RILPL1: variants seen among roughly 807,000 people sequenced by gnomAD.
RILPL1 encodes RILP-like protein 1.
RILPL1 carries 33 observed loss-of-function variants against 50.3 expected under a neutral mutation model. The observed-to-expected ratio is 0.66, with a 90% CI of 0.50 to 0.88. The LOEUF (loss-of-function observed/expected upper bound fraction) is 0.88. RILPL1 is among the 40% of genes least tolerant of loss of function. RILPL1 has a pLI of 0.00. For synonymous variants in RILPL1, 205 were observed against 228.6 expected (o/e 0.90, Z 0.93); for missense variants, 418 against 542.5 (o/e 0.77, Z 2.28).
chr12:123,518,342 CA>C (rs1174721740), intron 2 of RILPL1: 16 of 424,742 alleles, frequency 3.8e-5, no homozygotes, highest in Admixed American at 1.6e-4. Context: ...CCGTCTCTAC[CA>C]AAAAAATTTA....
chr12:123,527,252 G>A (rs538424185), intron 1 of RILPL1, among the ~76,000 whole-genome samples: 6 of 152,142 alleles, frequency 3.9e-5, no homozygotes, highest in East Asian at 1.9e-4. Flanking sequence ...GATCACTTGA[G>A]CCCCGGAGGT....
chr12:123,520,653 C>A (rs1884969048), intron 2 of RILPL1, among the ~76,000 whole-genome samples: 1 of 152,186 alleles, frequency 6.6e-6, no homozygotes, highest in South Asian at 2.1e-4. Flanking sequence ...CAGGCCCAGG[C>A]TTACTTTGCT....
rs1885507725 is a variant in RILPL1 at position 123,533,275 on chromosome 12, G to A, written c.208C>T (p.Arg70Cys). Reference protein sequence around the residue: ...VLEILEVLVSRHHVAPELDEL... With the variant: ...VLEILEVLVSCHHVAPELDEL... ...TCCAGCTCGGGCGCGACGTGGTGGC[G>A]GCTGACCAGCACCTCCAGGATCTCC... The change falls in exon 1 of 7, where the codon CGC (arginine) becomes TGC (cysteine). Residue 70 changes from arginine (R) to cysteine (C), a missense_variant. Physicochemically the swap from Arg to Cys is radical, Grantham distance 180. Coordinates refer to ENST00000376874, the MANE Select transcript of RILPL1 (RefSeq NM_178314.5). The surrounding 1 kb of genome is among the most constrained non-coding windows in gnomAD (Gnocchi z 6.2). The A allele has an allele frequency of 6.3e-7, 1 of 1,587,876 alleles. No individual in the cohort carries two copies. Among genetic ancestry groups the A allele is most frequent in the South Asian group, 1.1e-5 (1 of 87,844 alleles).
At chr12:123,525,336 G>A (rs1293824115) in intron 1 of RILPL1, among the ~76,000 whole-genome samples, 1 of 150,612 alleles carries the variant, frequency 6.6e-6, no homozygotes, top group Non-Finnish European at 1.5e-5. Context: ...TCCCACCTCA[G>A]CCTCCCAGTA....
chr12:123,484,650 CTTT>C (rs61080090), intron 5 of RILPL1, among the ~76,000 whole-genome samples: 13 of 110,116 alleles, frequency 1.2e-4, no homozygotes, highest in African/African-American at 1.5e-4. Context: ...ACTCTCCCAT[CTTT>C]TTTTTTTTTT....
In RILPL1 at chr12:123,498,892, C is replaced by T. The variant is rs538896838; in HGVS notation, c.580-127G>A. On this transcript the variant is annotated intron_variant, in intron 3 of 6. Transcript: ENST00000376874. This position sits in a 1 kb window ranked among gnomAD's most constrained non-coding sequence, Gnocchi z 4.3. ...CAGACATCTTTGTTTGAAAGTTGTT[C>T]GTATTCTTATAGCTGATGATGCTAG... 2.6e-5 allele frequency: 22 copies of T among 849,146 alleles called. No individual in the cohort carries two copies. The highest frequency in any genetic ancestry group is 2.2e-4 in the Admixed American group (10 of 46,062). 52.6% of individuals were successfully genotyped at this position (849,146 alleles called of 1,614,324 possible).
chr12:123,500,121 G>A (rs1443095322), intron 2 of RILPL1, among the ~76,000 whole-genome samples: 9 of 151,696 alleles, frequency 5.9e-5, no homozygotes, highest in East Asian at 3.9e-4. Context: ...TAGTAGAGAC[G>A]GGGTTTCACC....
rs1054919463 is a variant in RILPL1 at position 123,470,679 on chromosome 12, G to A, written c.*1859C>T. The A allele has an allele frequency of 6.6e-6, 1 of 152,242 alleles. No individual in the cohort carries two copies. The highest frequency in any genetic ancestry group is 2.4e-5 in the African/African-American group (1 of 41,442). 9.4% of individuals were successfully genotyped at this position (152,242 alleles called of 1,614,324 possible). ...CACACATGTAGTCCCAGCTACTTGG[G>A]AGGCTCAGGCATGAGAATTGCTTGA... On this transcript the variant is annotated 3_prime_UTR_variant, in exon 7 of 7. Coordinates refer to ENST00000376874, the MANE Select transcript of RILPL1 (RefSeq NM_178314.5).
At chr12:123,509,141 CAACAAACAAACA>C (rs142348336) in intron 2 of RILPL1, among the ~76,000 whole-genome samples, 2 of 151,240 alleles carry the variant, frequency 1.3e-5, no homozygotes, top group South Asian at 2.1e-4. Context: ...CGTCTCAAAA[CAACAAACAAACA>C]AACAAACAAA....
chr12:123,497,337 TC>T (rs1190583411), intron 4 of RILPL1, among the ~76,000 whole-genome samples: 1 of 151,932 alleles, frequency 6.6e-6, no homozygotes, highest in African/African-American at 2.4e-5. Context: ...TCCTGCCTCA[TC>T]TTCCCAAGTA....
At chr12:123,502,160 T>C (rs1018563318) in intron 2 of RILPL1, among the ~76,000 whole-genome samples, 2 of 151,860 alleles carry the variant, frequency 1.3e-5, no homozygotes, top group Admixed American at 6.6e-5. Context: ...TAGTAAACTA[T>C]GTGTATTCAG....
chr12:123,473,759 C>T (rs2139301376), intron 6 of RILPL1: 1 of 151,130 alleles, frequency 6.6e-6, no homozygotes, highest in South Asian at 2.1e-4. Context: ...CCATCAGGAA[C>T]TTTCAGATGC....
rs1242181080 is a variant in RILPL1 at position 123,491,256 on chromosome 12, G to A, written c.802-5451C>T. Reference sequence around the variant, plus strand: ...TCCTAGGCTTACTCCATGCGGGACCGGGAGGTGGCTCGGGTTAGCTGAGAT... The same window carrying A: ...TCCTAGGCTTACTCCATGCGGGACCAGGAGGTGGCTCGGGTTAGCTGAGAT... On this transcript the variant is annotated intron_variant, in intron 4 of 6. Coordinates refer to ENST00000376874, the MANE Select transcript of RILPL1 (RefSeq NM_178314.5). The surrounding 1 kb of genome is among the most constrained non-coding windows in gnomAD (Gnocchi z 4.0). Among the ~76,000 whole-genome samples the A allele has an allele frequency of 5.3e-5, 8 of 152,176 alleles. No individual in the cohort carries two copies. Among genetic ancestry groups the A allele is most frequent in the Non-Finnish European group, 5.9e-5 (4 of 68,026 alleles).
intron 4 of RILPL1, among the ~76,000 whole-genome samples, chr12:123,486,892 G>A (rs1026053698): frequency 9.9e-5 from 15 of 151,874 alleles, no homozygotes; most frequent in Admixed American, 3.9e-4. Flanking sequence ...TCCACCACCC[G>A]GGTTCAAGCC....
chr12:123,487,272 G>A (rs1882404040), intron 4 of RILPL1, among the ~76,000 whole-genome samples: 2 of 151,812 alleles, frequency 1.3e-5, no homozygotes, highest in South Asian at 4.2e-4. Context: ...GTGTTTCCAA[G>A]GTTCATCCAC....
At chr12:123,525,518 G>A (rs1885218640) in intron 1 of RILPL1, among the ~76,000 whole-genome samples, 1 of 150,714 alleles carries the variant, frequency 6.6e-6, no homozygotes, top group Non-Finnish European at 1.5e-5. Flanking sequence ...TGACCAATAT[G>A]GTGAAACCCT....
At chr12:123,508,172 T>C (rs574429410) in intron 2 of RILPL1, among the ~76,000 whole-genome samples, 1 of 152,198 alleles carries the variant, frequency 6.6e-6, no homozygotes, top group African/African-American at 2.4e-5. Context: ...GGCAGAAGGA[T>C]CACTGGAACT....
intron 2 of RILPL1, chr12:123,518,415 G>C (rs28791561): frequency 0.035 from 12,980 of 367,776 alleles, 1,274 homozygotes; most frequent in African/African-American, 0.23. Context: ...ACTGAGGTGG[G>C]AGAATCTTTT....
rs1382420119 is a variant in RILPL1 at position 123,491,834 on chromosome 12, GTC to G, written c.802-6031_802-6030del. On this transcript the variant is annotated intron_variant, in intron 4 of 6. Transcript: ENST00000376874. The surrounding 1 kb of genome is among the most constrained non-coding windows in gnomAD (Gnocchi z 4.0). ...AGCCTGGGCAACATGGTAAAACCCTGTCTCTACTAAAAATACACAAAAATGAG... is the reference window on the plus strand; with the variant it reads ...AGCCTGGGCAACATGGTAAAACCCTGTCTACTAAAAATACACAAAAATGAG... Among the ~76,000 whole-genome samples, 1 of 151,924 alleles carries G rather than the reference GTC, an allele frequency of 6.6e-6. No homozygotes were observed. Among genetic ancestry groups the G allele is most frequent in the Non-Finnish European group, 1.5e-5 (1 of 68,010 alleles).
Sources: allele counts gnomAD v4.1 joint callset (sites outside exome capture counted in the v4.1 genomes callset), GRCh38; gene constraint gnomAD v4.1.1; non-coding constraint Gnocchi (gnomAD v3.1); transcripts MANE v1.5; gene names NCBI Gene and HGNC (gene_info 2026-07-23, HGNC 2026-07-21).